EML2: variants seen among roughly 807,000 people sequenced by gnomAD.
The protein encoded by EML2 is EMAP like 2, also known as echinoderm microtubule-associated protein-like 2.
In EML2, 59 loss-of-function variants were observed where a neutral mutation model predicts 84.7. The ratio of observed to expected loss-of-function variants is 0.70; its 90% confidence interval spans 0.56 to 0.86. The LOEUF (loss-of-function observed/expected upper bound fraction) is 0.86. Ranked by LOEUF, EML2 falls within the 40% of genes least tolerant of loss-of-function variation. EML2 has a pLI of 0.00. For missense variants in EML2, 818 were observed against 855.6 expected, an observed-to-expected ratio of 0.96 and a Z score of 0.55; for synonymous variants, 352 against 348.9, an observed-to-expected ratio of 1.01 and a Z score of -0.10.
At position 45,619,057 on chromosome 19, in the gene EML2, T is replaced by C; in HGVS notation, c.1254+3A>G. 1 of 1,606,728 alleles carries C rather than the reference T, an allele frequency of 6.2e-7. No homozygotes were observed. The highest frequency in any genetic ancestry group is 8.5e-7 in the Non-Finnish European group (1 of 1,174,902). On this transcript the variant is annotated splice_donor_region_variant and intron_variant, in intron 12 of 18. Coordinates refer to ENST00000245925, the MANE Select transcript of EML2 (RefSeq NM_012155.4). ...GTGCTTTTCCAGTCCCCGGGCCCCT[T>C]ACCTCGATGATCCTGCTCCACAGGG...
Position 45,609,580 on chromosome 19 carries a change from T to G in EML2, c.*83A>C. The stretch of plus-strand genomic sequence containing the variant: ...AACCCCCTCTGCTATAGACATACTC[T>G]GGGTATATATTACTCTACTCGGCAA... On this transcript the variant is annotated 3_prime_UTR_variant, in exon 19 of 19. Transcript: ENST00000245925. The G allele has an allele frequency of 7.4e-7, 1 of 1,348,112 alleles. No homozygotes were observed. Among genetic ancestry groups the G allele is most frequent in the Non-Finnish European group, 9.9e-7 (1 of 1,014,138 alleles). 83.5% of individuals were successfully genotyped at this position (1,348,112 alleles called of 1,614,324 possible).
In EML2 at chr19:45,634,254, G is replaced by GAGGGGC. The variant is rs1228013040; in HGVS notation, c.329+62_329+67dup. 1.9e-6 allele frequency: 3 copies of GAGGGGC among 1,601,848 alleles called. No individual in the cohort carries two copies. In the Middle Eastern group the frequency reaches 5.0e-4, roughly 266 times the overall value. The stretch of plus-strand genomic sequence containing the variant: ...GGGTAGCAATGTGAAAAGAGGCATA[G>GAGGGGC]AGGGGCAGGGGCTGGAGCTCCATCT... On this transcript the variant is annotated intron_variant, in intron 4 of 18. Transcript: ENST00000245925.
chr19:45,617,597 G>A, intron 13 of EML2, 33 bp downstream of exon 13: 2 of 1,600,330 alleles, frequency 1.2e-6, no homozygotes, highest in Non-Finnish European at 1.7e-6. Context: ...AGGGAGCAGA[G>A]AAGGCCTCCC....
intron 18 of EML2, among the ~76,000 whole-genome samples, chr19:45,610,265 C>T (rs530371636): frequency 6.6e-5 from 10 of 152,016 alleles, no homozygotes; most frequent in Admixed American, 2.6e-4. Context: ...GGTGTGGTGG[C>T]GCATGCCCGT....
At chr19:45,623,025 C>T (rs1191207879) in intron 9 of EML2, among the ~76,000 whole-genome samples, 29 of 142,104 alleles carry the variant, frequency 2.0e-4, no homozygotes, top group African/African-American at 7.1e-4. Context: ...CCAGCATGGG[C>T]GACAGAGCGA....
At chr19:45,630,394 A>C (rs923529704) in intron 6 of EML2, among the ~76,000 whole-genome samples, 3 of 152,002 alleles carry the variant, frequency 2.0e-5, no homozygotes, top group African/African-American at 7.2e-5. Flanking sequence ...TCTACTAAAA[A>C]TACAAAAAAT....
chr19:45,616,822 G>C lies in EML2; in HGVS notation c.1354C>G (p.Leu452Val), dbSNP rs1210405411. 6.2e-7 allele frequency: 1 copy of C among 1,613,474 alleles called. No individual in the cohort carries two copies. The highest frequency in any genetic ancestry group is 1.1e-5 in the South Asian group (1 of 91,062). ...WLLLDTETHDLVAIHTDGNEQ... is the reference protein window; with the variant it reads ...WLLLDTETHDVVAIHTDGNEQ... ...TTGCCGTCTGTGTGGATAGCCACCA[G>C]GTCATGGGTCTCCGTGTCCAGCAGC... is the stretch of plus-strand genomic sequence containing the variant. Residue 452 changes from leucine (L) to valine (V), a missense_variant, in exon 14 of 19, where the codon CTG becomes GTG. Transcript: ENST00000245925.
chr19:45,641,681 T>C, upstream of EML2: 9 of 1,536,152 alleles, frequency 5.9e-6, no homozygotes, highest in Non-Finnish European at 7.8e-6. Flanking sequence ...GAGGATGTGG[T>C]CCGGCTGCGG....
chr19:45,644,127 A>C (rs1398103400), upstream of EML2, among the ~76,000 whole-genome samples: 3 of 152,200 alleles, frequency 2.0e-5, no homozygotes, highest in African/African-American at 7.2e-5. Context: ...TGCTCACGCA[A>C]AACATTTAGC....
chr19:45,644,666 C>T (rs1974892641), upstream of EML2: 1 of 455,834 alleles, frequency 2.2e-6, no homozygotes, highest in Non-Finnish European at 4.4e-6. Flanking sequence ...CCTCACTTCC[C>T]ACTTTTCCCT....
At position 45,621,212 on chromosome 19, in the gene EML2, C is replaced by G. The variant is rs761429622; in HGVS notation, c.1117G>C (p.Val373Leu). 1 of 1,613,634 alleles carries G rather than the reference C, an allele frequency of 6.2e-7. No individual in the cohort carries two copies. Among genetic ancestry groups the G allele is most frequent in the Non-Finnish European group, 8.5e-7 (1 of 1,179,984 alleles). ...GSVHTGFSLLVQGHVEELWGL... is the reference protein window; with the variant it reads ...GSVHTGFSLLLQGHVEELWGL... ...TGCAGAGGAGAGAGGCGCACCTGGA[C>G]CAGCAGTGAGAAGCCTGTGTGCACG... Residue 373 changes from valine (V) to leucine (L), a missense_variant, in exon 11 of 19, where the codon GTC becomes CTC. Physicochemically the swap from Val to Leu is conservative, Grantham distance 32. Transcript: ENST00000245925.
intron 7 of EML2, among the ~76,000 whole-genome samples, chr19:45,629,683 C>T (rs1478133403): frequency 1.4e-5 from 2 of 147,594 alleles, no homozygotes; most frequent in East Asian, 4.1e-4. Flanking sequence ...TGATCTCAAA[C>T]TTCTGAGCTC....
At position 45,617,616 on chromosome 19, in the gene EML2, C is replaced by G; in HGVS notation, c.1322+14G>C. 6.2e-7 allele frequency: 1 copy of G among 1,611,870 alleles called. No individual in the cohort carries two copies. The highest frequency in any genetic ancestry group is 8.5e-7 in the Non-Finnish European group (1 of 1,179,000). ...AGCAGAGAAGGCCTCCCGAAATGCT[C>G]TCCTCAGCTTTACCTGCCAGTCACT... On this transcript the variant is annotated intron_variant, in intron 13 of 18. Coordinates refer to ENST00000245925, the MANE Select transcript of EML2 (RefSeq NM_012155.4).
At chr19:45,611,934 C>T (rs763550515) in intron 18 of EML2, among the ~76,000 whole-genome samples, 7 of 152,076 alleles carry the variant, frequency 4.6e-5, no homozygotes, top group Non-Finnish European at 8.8e-5. Context: ...TAAAGTGGCA[C>T]GATCTCCGCT....
At chr19:45,609,887 CT>C (rs368671855) in intron 18 of EML2, 99 bp from the exon 19 acceptor site, 215,966 of 1,036,330 alleles carry the variant, frequency 0.21, 727 homozygotes, top group South Asian at 0.27. Flanking sequence ...TGCTCTTCCT[CT>C]TTTTTTTTTT....
In EML2 at chr19:45,609,568, A is replaced by T; in HGVS notation, c.*95T>A. 1 of 1,356,594 alleles carries T rather than the reference A, an allele frequency of 7.4e-7. No individual in the cohort carries two copies. Among genetic ancestry groups the T allele is most frequent in the Non-Finnish European group, 9.7e-7 (1 of 1,031,368 alleles). 84.0% of individuals were successfully genotyped at this position (1,356,594 alleles called of 1,614,324 possible). A position where few individuals can be genotyped will look rare whatever the true frequency, so the allele number is the denominator to read the frequency against. On this transcript the variant is annotated 3_prime_UTR_variant, in exon 19 of 19. Coordinates refer to ENST00000245925, the MANE Select transcript of EML2 (RefSeq NM_012155.4). ...TCCCGCCCCCATAACCCCCTCTGCT[A>T]TAGACATACTCTGGGTATATATTAC...
chr19:45,612,096 G>A (rs962948362), intron 18 of EML2, among the ~76,000 whole-genome samples: 3 of 150,856 alleles, frequency 2.0e-5, no homozygotes, highest in African/African-American at 7.3e-5. Flanking sequence ...CTATCGCTCA[G>A]TGCATTGTTG....
At chr19:45,632,018 C>A (rs1303836934) in intron 6 of EML2, among the ~76,000 whole-genome samples, 1 of 150,540 alleles carries the variant, frequency 6.6e-6, no homozygotes, top group Admixed American at 6.7e-5. Context: ...CCTCAGCCTC[C>A]CAAGTAGCTG....
intron 17 of EML2, among the ~76,000 whole-genome samples, chr19:45,614,003 A>T (rs1340719772): frequency 6.6e-6 from 1 of 152,130 alleles, no homozygotes; most frequent in Non-Finnish European, 1.5e-5. Flanking sequence ...TCCAAATGCC[A>T]AGTTCTGTGT....
Sources: allele counts gnomAD v4.1 joint callset (sites outside exome capture counted in the v4.1 genomes callset), GRCh38; gene constraint gnomAD v4.1.1; transcripts MANE v1.5; gene names NCBI Gene and HGNC (gene_info 2026-07-23, HGNC 2026-07-21).